Variants in SFMBT2 observed in about 807,000 individuals in gnomAD.
SFMBT2 encodes the protein Scm like with four mbt domains 2.
In SFMBT2, 38 loss-of-function variants were observed where a neutral mutation model predicts 110.1. That is an observed-to-expected ratio of 0.35 (90% CI 0.27 to 0.45). The LOEUF (loss-of-function observed/expected upper bound fraction) is 0.45, where lower values mean the gene tolerates loss of function less well. Ranked by LOEUF, SFMBT2 falls within the 20% of genes least tolerant of loss-of-function variation. SFMBT2 has a pLI of 1.00. For missense variants in SFMBT2, 1,011 were observed against 1,094.9 expected, an observed-to-expected ratio of 0.92 and a Z score of 1.08; for synonymous variants, 425 against 425.4, an observed-to-expected ratio of 1.00 and a Z score of 0.01.
chr10:7,299,170 G>T (rs1045226940), intron 4 of SFMBT2, among the ~76,000 whole-genome samples: 1 of 152,102 alleles, frequency 6.6e-6, no homozygotes, highest in Non-Finnish European at 1.5e-5. Context: ...CAAGACACAG[G>T]TATGGGCAAG....
At chr10:7,239,377 C>T (rs997765586) in intron 9 of SFMBT2, among the ~76,000 whole-genome samples, 15 of 152,174 alleles carry the variant, frequency 9.9e-5, no homozygotes, top group Non-Finnish European at 1.8e-4. Flanking sequence ...TAACCTTTTA[C>T]TTTTAAAAAA....
intron 4 of SFMBT2, among the ~76,000 whole-genome samples, chr10:7,305,168 A>G (rs1027037246): frequency 1.3e-5 from 2 of 152,212 alleles, no homozygotes; most frequent in African/African-American, 2.4e-5. Context: ...CTGAATCTCA[A>G]AAATAAACCT....
intron 4 of SFMBT2, among the ~76,000 whole-genome samples, chr10:7,324,664 A>C (rs928555942): frequency 5.3e-5 from 8 of 152,330 alleles, no homozygotes; most frequent in Middle Eastern, 3.4e-3. Flanking sequence ...CCATCAGAAA[A>C]GCATAGACTG....
rs768700562 is a variant in SFMBT2 at position 7,408,570 on chromosome 10, C to CGTG, written c.-52+2290_-52+2291insCAC. Among the ~76,000 whole-genome samples, 92 of 152,288 alleles carry CGTG rather than the reference C, an allele frequency of 6.0e-4. No homozygotes were observed. Among genetic ancestry groups the CGTG allele is most frequent in the Non-Finnish European group, 1.0e-3 (71 of 68,016 alleles). On this transcript the variant is annotated intron_variant, in intron 1 of 20. Coordinates refer to ENST00000397167, the MANE Select transcript of SFMBT2 (RefSeq NM_001387889.1). This position sits in a 1 kb window ranked among gnomAD's most constrained non-coding sequence, Gnocchi z 5.7. ...GTCCTCCCACCTGCCCCCGCCAGCC[C>CGTG]CGGGGACCGTGCGCGGCCTCCGTGT...
At chr10:7,188,858 A>G in intron 15 of SFMBT2, 125 bp from the exon 16 acceptor site, 1 of 752,570 alleles carries the variant, frequency 1.3e-6, no homozygotes, top group Non-Finnish European at 2.1e-6. Flanking sequence ...CATGAAGTGA[A>G]GAAACGTGAT....
At chr10:7,228,736 C>T (rs56245932) in intron 9 of SFMBT2, among the ~76,000 whole-genome samples, 527 of 30,682 alleles carry the variant, frequency 0.017, no homozygotes, top group East Asian at 0.038. Flanking sequence ...TCTTTCTTTC[C>T]TTTCTCTCTC....
At chr10:7,410,795 G>A (rs1846356486) in intron 1 of SFMBT2, among the ~76,000 whole-genome samples, 66 bp downstream of exon 1, 1 of 145,850 alleles carries the variant, frequency 6.9e-6, no homozygotes, top group Admixed American at 6.9e-5. Context: ...CACTCAACCT[G>A]CGGGCCGAAG....
At chr10:7,317,641 C>CAAAAA (rs56181512) in intron 4 of SFMBT2, among the ~76,000 whole-genome samples, 58,829 of 92,816 alleles carry the variant, frequency 0.63, 20,348 homozygotes, top group Middle Eastern at 0.79. Flanking sequence ...AACTCCGTCT[C>CAAAAA]AAAAAAAAAA....
At chr10:7,286,939 G>A (rs1842107720) in intron 4 of SFMBT2, among the ~76,000 whole-genome samples, 1 of 152,128 alleles carries the variant, frequency 6.6e-6, no homozygotes, top group African/African-American at 2.4e-5. Flanking sequence ...TCTGGCAACA[G>A]TATAAGGGTT....
intron 11 of SFMBT2, chr10:7,214,573 G>A (rs1839468490): frequency 4.1e-6 from 4 of 985,354 alleles, no homozygotes. Context: ...GGACTTATGG[G>A]ATCCCCATAC....
intron 4 of SFMBT2, among the ~76,000 whole-genome samples, chr10:7,340,655 CAAAAAAAAAAA>C (rs776262305): frequency 2.3e-5 from 2 of 86,784 alleles, no homozygotes; most frequent in Non-Finnish European, 4.5e-5. Context: ...GAACCTATCT[CAAAAAAAAAAA>C]AAAAAAAAAA....
chr10:7,282,829 G>C (rs1841984386), intron 6 of SFMBT2, among the ~76,000 whole-genome samples: 1 of 152,124 alleles, frequency 6.6e-6, no homozygotes, highest in Admixed American at 6.5e-5. Flanking sequence ...AAAGCAAAGA[G>C]CCATGTCCTT....
intron 1 of SFMBT2, among the ~76,000 whole-genome samples, chr10:7,394,858 C>T (rs1347521228): frequency 6.6e-6 from 1 of 152,136 alleles, no homozygotes. Flanking sequence ...CACCTCCCCT[C>T]CCTCTGTTAC....
chr10:7,344,209 G>A (rs1177491715), intron 4 of SFMBT2, among the ~76,000 whole-genome samples: 2 of 152,096 alleles, frequency 1.3e-5, no homozygotes, highest in African/African-American at 4.8e-5. Context: ...GCATTTCATG[G>A]GTTAGGAAGG....
intron 10 of SFMBT2, among the ~76,000 whole-genome samples, chr10:7,226,853 G>A (rs1302798931): frequency 2.0e-5 from 3 of 152,138 alleles, no homozygotes; most frequent in African/African-American, 7.2e-5. Context: ...CCAGGCCATG[G>A]ATGAATCTCA....
At chr10:7,400,056 G>A (rs558467714) in intron 1 of SFMBT2, among the ~76,000 whole-genome samples, 1 of 151,996 alleles carries the variant, frequency 6.6e-6, no homozygotes, top group Admixed American at 6.5e-5. Context: ...CCAGGCTAAG[G>A]GGCAGGCAGG....
intron 6 of SFMBT2, chr10:7,277,336 G>A (rs1841814068): frequency 4.5e-6 from 1 of 222,546 alleles, no homozygotes; most frequent in Non-Finnish European, 7.5e-6. Context: ...CTATCACCTA[G>A]GAAAGCAATG....
intron 20 of SFMBT2, among the ~76,000 whole-genome samples, chr10:7,165,152 C>T (rs1206563003): frequency 6.6e-6 from 1 of 152,132 alleles, no homozygotes; most frequent in African/African-American, 2.4e-5. Context: ...TTGCAGGCCC[C>T]AGGCAATGAT....
rs553837391 is a variant in SFMBT2, at chr10:7,329,395, A to G, written c.436+38254T>C. 134 of 975,518 alleles carry G rather than the reference A, an allele frequency of 1.4e-4. No individual in the cohort carries two copies. The African/African-American group carries it at 2.2e-3, about 16-fold the overall frequency. 60.4% of individuals were successfully genotyped at this position (975,518 alleles called of 1,614,324 possible). ...TACTGGCGTCCAGTCCTCAGCAGCC[A>G]TCAGCGCAGCACAGCACGGGTGCTA... On this transcript the variant is annotated intron_variant, in intron 4 of 20. Coordinates refer to ENST00000397167, the MANE Select transcript of SFMBT2 (RefSeq NM_001387889.1).
Sources: allele counts gnomAD v4.1 joint callset (sites outside exome capture counted in the v4.1 genomes callset), GRCh38; gene constraint gnomAD v4.1.1; non-coding constraint Gnocchi (gnomAD v3.1); transcripts MANE v1.5; gene names NCBI Gene and HGNC (gene_info 2026-07-23, HGNC 2026-07-21).